The following PDE8A variants were observed in gnomAD, a reference collection of about 807,000 sequenced individuals.
The protein encoded by PDE8A is phosphodiesterase 8A.
In PDE8A, 59 loss-of-function variants were observed where a neutral mutation model predicts 105.0. The observed-to-expected ratio is 0.56, with a 90% CI of 0.46 to 0.70. The LOEUF (loss-of-function observed/expected upper bound fraction) is 0.70. PDE8A is among the 30% of genes least tolerant of loss of function. The probability of loss-of-function intolerance (pLI) is 0.00; values close to 1 mark genes in which losing one functional copy is unlikely to be tolerated. For synonymous variants in PDE8A, 355 were observed against 371.9 expected (o/e 0.95, Z 0.52); for missense variants, 1,014 against 1,045.9 (o/e 0.97, Z 0.42).
chr15:85,054,853 C>G (rs1292323972), intron 1 of PDE8A, among the ~76,000 whole-genome samples: 3 of 152,162 alleles, frequency 2.0e-5, no homozygotes, highest in Admixed American at 2.0e-4. Context: ...CTTCTGCTAG[C>G]TTTTGAATGT....
At chr15:85,109,940 T>C (rs2081997688) in intron 12 of PDE8A, among the ~76,000 whole-genome samples, 1 of 152,172 alleles carries the variant, frequency 6.6e-6, no homozygotes, top group South Asian at 2.1e-4. Flanking sequence ...GGGAAGACTG[T>C]AAGCTTTGGT....
intron 2 of PDE8A, among the ~76,000 whole-genome samples, chr15:85,065,229 T>G (rs1008616620): frequency 6.6e-6 from 1 of 151,332 alleles, no homozygotes; most frequent in Non-Finnish European, 1.5e-5. Flanking sequence ...AGAAGATATC[T>G]GTAATTTATC....
chr15:85,091,256 A>G, intron 8 of PDE8A, 75 bp downstream of exon 8: 1 of 1,287,336 alleles, frequency 7.8e-7, no homozygotes, highest in Non-Finnish European at 1.1e-6. Flanking sequence ...ATTGAGTACT[A>G]CCAGGTAATC....
At chr15:84,995,008 A>G (rs927704575) in intron 1 of PDE8A, among the ~76,000 whole-genome samples, 3 of 151,944 alleles carry the variant, frequency 2.0e-5, no homozygotes, top group African/African-American at 7.2e-5. Context: ...TTAGTATACT[A>G]TACTTCCCCT....
At chr15:84,991,811 G>A (rs181642971) in intron 1 of PDE8A, among the ~76,000 whole-genome samples, 136 of 152,312 alleles carry the variant, frequency 8.9e-4, no homozygotes, top group African/African-American at 3.1e-3. Flanking sequence ...TGGAGAGAAA[G>A]AAGAAGCCAT....
At chr15:85,135,247 A>T (rs2082390508) in intron 20 of PDE8A, among the ~76,000 whole-genome samples, 1 of 152,042 alleles carries the variant, frequency 6.6e-6, no homozygotes, top group Non-Finnish European at 1.5e-5. Flanking sequence ...ACGTCTTGTG[A>T]GTGGCCAACA....
At chr15:85,010,418 A>G (rs1205506812) in intron 1 of PDE8A, among the ~76,000 whole-genome samples, 1 of 152,172 alleles carries the variant, frequency 6.6e-6, no homozygotes, top group Non-Finnish European at 1.5e-5. Context: ...AATAATACTC[A>G]TCATTTTGGA....
chr15:85,077,581 TG>T, intron 5 of PDE8A, among the ~76,000 whole-genome samples: 1 of 152,182 alleles, frequency 6.6e-6, no homozygotes, highest in South Asian at 2.1e-4. Context: ...CATAAATAAT[TG>T]CTCAAGGGCA....
In PDE8A at chr15:85,138,036, C is replaced by T. The variant is rs1164694664; in HGVS notation, c.*133C>T. The T allele has an allele frequency of 1.4e-5, 8 of 591,104 alleles. No individual in the cohort carries two copies. Among genetic ancestry groups the T allele is most frequent in the Non-Finnish European group, 2.1e-5 (7 of 328,856 alleles). The allele number at this position is 591,104 out of a possible 1,614,324, so 36.6% of individuals were successfully genotyped here. A position where few individuals can be genotyped will look rare whatever the true frequency, so the allele number is the denominator to read the frequency against. On this transcript the variant is annotated 3_prime_UTR_variant, in exon 22 of 22. Transcript: ENST00000394553. ...GATCTGCATAGCCTGTGAAAGCCCA[C>T]GGGGACATCAGTAACCTTCTGCAGC...
At chr15:85,114,439 C>A (rs939148211) in intron 14 of PDE8A, among the ~76,000 whole-genome samples, 6 of 152,154 alleles carry the variant, frequency 3.9e-5, no homozygotes, top group African/African-American at 1.2e-4. Context: ...GGGGGTGCAA[C>A]AGTTTGGCCT....
At chr15:84,983,924 G>T (rs948134731) in intron 1 of PDE8A, among the ~76,000 whole-genome samples, 1 of 152,226 alleles carries the variant, frequency 6.6e-6, no homozygotes. Flanking sequence ...TCGCAGTGCC[G>T]TTAGGTCCCT....
chr15:84,987,878 T>A (rs28584329), intron 1 of PDE8A, among the ~76,000 whole-genome samples: 50 of 151,962 alleles, frequency 3.3e-4, no homozygotes, highest in South Asian at 1.0e-3. Flanking sequence ...TAAAAAATTT[T>A]AAAAAAAAGA....
At chr15:85,134,455 T>C (rs1567308630) in intron 20 of PDE8A, among the ~76,000 whole-genome samples, 1 of 152,194 alleles carries the variant, frequency 6.6e-6, no homozygotes, top group Non-Finnish European at 1.5e-5. Flanking sequence ...GAGACTCGTG[T>C]AGGGCTGACT....
chr15:84,999,900 A>G (rs953945090), intron 1 of PDE8A, among the ~76,000 whole-genome samples: 1 of 152,200 alleles, frequency 6.6e-6, no homozygotes, highest in African/African-American at 2.4e-5. Flanking sequence ...TGATAAGCTC[A>G]CAAGACCACA....
rs191721871 is a variant in PDE8A at position 85,010,909 on chromosome 15, G to A, written c.186+28561G>A. On this transcript the variant is annotated intron_variant, in intron 1 of 21. Transcript: ENST00000394553. ...CCCCAGTCGTGTTCCTGAGAGTGAA[G>A]TTTATATATGATGACTTCATTTGTT... 2.6e-5 allele frequency among the ~76,000 whole-genome samples: 4 copies of A among 152,166 alleles called. No homozygotes were observed. In the East Asian group the frequency reaches 7.7e-4, roughly 29 times the overall value.
At chr15:85,022,318 G>A (rs1037206642) in intron 1 of PDE8A, among the ~76,000 whole-genome samples, 1 of 151,910 alleles carries the variant, frequency 6.6e-6, no homozygotes, top group South Asian at 2.1e-4. Context: ...GGACCTGGAT[G>A]GGTCGAGTTC....
chr15:84,982,717 G>T (rs1305531449), intron 1 of PDE8A, among the ~76,000 whole-genome samples: 1 of 152,198 alleles, frequency 6.6e-6, no homozygotes, highest in Admixed American at 6.5e-5. Context: ...ATTCTGGCGC[G>T]CCCCTGCAAT....
At chr15:85,049,861 T>C (rs2080944701) in intron 1 of PDE8A, among the ~76,000 whole-genome samples, 1 of 152,264 alleles carries the variant, frequency 6.6e-6, no homozygotes, top group South Asian at 2.1e-4. Context: ...AGGGGATTGT[T>C]GGATCATATG....
chr15:85,120,882 T>A lies in PDE8A; in HGVS notation c.1820T>A (p.Phe607Tyr). 4 of 1,614,022 alleles carry A rather than the reference T, an allele frequency of 2.5e-6. No individual in the cohort carries two copies. The highest frequency in any genetic ancestry group is 3.4e-6 in the Non-Finnish European group (4 of 1,179,868). ...DVDHPGRTNS[F>Y]LCNAGSELAI... ...GATCACCCTGGGAGAACCAACTCCTTCCTGTGTAATGCTGGAAGTGAGCTG... is the reference window on the plus strand; with the variant it reads ...GATCACCCTGGGAGAACCAACTCCTACCTGTGTAATGCTGGAAGTGAGCTG... Residue 607 changes from phenylalanine to tyrosine, a missense_variant, in exon 18 of 22, where the codon TTC (phenylalanine) becomes TAC (tyrosine). Physicochemically the swap from Phe to Tyr is conservative, Grantham distance 22. Transcript: ENST00000394553.
Sources: gnomAD v4.1 joint callset for allele counts (sites outside exome capture counted in the v4.1 genomes callset) on GRCh38, gnomAD v4.1.1 for gene constraint, MANE v1.5 for transcripts, NCBI Gene and HGNC (gene_info 2026-07-23, HGNC 2026-07-21) for gene names.